Variants in PDE1C observed in about 807,000 individuals in gnomAD.
PDE1C encodes the protein phosphodiesterase 1C, also known as dual specificity calcium/calmodulin-dependent 3',5'-cyclic nucleotide phosphodiesterase 1C.
In PDE1C, 62 loss-of-function variants were observed where a neutral mutation model predicts 93.1. The observed-to-expected ratio is 0.67, with a 90% CI of 0.54 to 0.82. The LOEUF is 0.82. PDE1C is among the 40% of genes least tolerant of loss of function. The probability of loss-of-function intolerance (pLI) is 0.00; values close to 1 mark genes in which losing one functional copy is unlikely to be tolerated. For synonymous variants in PDE1C, 325 were observed against 310.1 expected (o/e 1.05, Z -0.50); for missense variants, 742 against 884.6 (o/e 0.84, Z 2.04).
intron 2 of PDE1C, among the ~76,000 whole-genome samples, chr7:31,992,760 CA>C (rs2128538973): frequency 6.6e-6 from 1 of 152,266 alleles, no homozygotes; most frequent in African/African-American, 2.4e-5. Flanking sequence ...TATTAATAAG[CA>C]TGACTCTTTT....
At chr7:32,354,903 T>C (rs1032048440) in intron 1 of PDE1C, among the ~76,000 whole-genome samples, 1 of 152,264 alleles carries the variant, frequency 6.6e-6, no homozygotes, top group African/African-American at 2.4e-5. Context: ...TTTAAGCTTT[T>C]TCTTTTTACA....
chr7:31,674,731 A>C, the PDE1C span, among the ~76,000 whole-genome samples: 1 of 152,198 alleles, frequency 6.6e-6, no homozygotes, highest in Non-Finnish European at 1.5e-5. Flanking sequence ...GGAAAAATAA[A>C]ATAAAATAAT....
intron 2 of PDE1C, among the ~76,000 whole-genome samples, chr7:32,208,726 T>C (rs115891419): frequency 0.011 from 1,667 of 152,172 alleles, 29 homozygotes; most frequent in African/African-American, 0.038. Context: ...CCCCCTTCTT[T>C]GGAATCCAGG....
chr7:32,237,484 T>C (rs1004142537), intron 1 of PDE1C, among the ~76,000 whole-genome samples: 2 of 152,054 alleles, frequency 1.3e-5, no homozygotes, highest in African/African-American at 2.4e-5. Flanking sequence ...AACTACTCCA[T>C]ACTCTTACTC....
At chr7:31,726,195 A>G in the PDE1C span, among the ~76,000 whole-genome samples, 1 of 152,066 alleles carries the variant, frequency 6.6e-6, no homozygotes, top group African/African-American at 2.4e-5. Context: ...TAATCTCCCA[A>G]GAAGTTAGGA....
intron 2 of PDE1C, among the ~76,000 whole-genome samples, chr7:32,046,557 A>G (rs967948421): frequency 1.2e-4 from 19 of 152,132 alleles, no homozygotes; most frequent in African/African-American, 4.3e-4. Flanking sequence ...AATTGTACAT[A>G]TCTTGTTATT....
At chr7:32,215,114 C>A (rs1019694057) in intron 1 of PDE1C, among the ~76,000 whole-genome samples, 1 of 152,044 alleles carries the variant, frequency 6.6e-6, no homozygotes, top group Non-Finnish European at 1.5e-5. Context: ...AACCGAGCAG[C>A]CCATGGCCTG....
intron 7 of PDE1C, among the ~76,000 whole-genome samples, chr7:31,859,108 T>C (rs1794365663): frequency 6.9e-6 from 1 of 145,702 alleles, no homozygotes; most frequent in Non-Finnish European, 1.5e-5. Context: ...TCATAATATA[T>C]GATGTATTGA....
the PDE1C span, among the ~76,000 whole-genome samples, chr7:31,676,488 A>G: frequency 2.0e-5 from 3 of 152,190 alleles, no homozygotes; most frequent in Non-Finnish European, 4.4e-5. Flanking sequence ...ACAAAATTGC[A>G]GAATTTCTTA....
chr7:32,287,583 C>A (rs1188243607), intron 1 of PDE1C, among the ~76,000 whole-genome samples: 5 of 152,242 alleles, frequency 3.3e-5, no homozygotes, highest in Admixed American at 6.5e-5. Context: ...TAGTGCCTAA[C>A]ACAATCGCTG....
chr7:31,619,869 C>G, the PDE1C span, among the ~76,000 whole-genome samples: 813 of 152,290 alleles, frequency 5.3e-3, 9 homozygotes, highest in African/African-American at 0.019. Context: ...AAAGGGGTGA[C>G]AGATGGCACC....
intron 1 of PDE1C, among the ~76,000 whole-genome samples, chr7:32,213,084 A>G (rs1477353696): frequency 6.6e-6 from 1 of 152,178 alleles, no homozygotes; most frequent in Non-Finnish European, 1.5e-5. Flanking sequence ...TTGGAACTCA[A>G]GTAGACTGAA....
At chr7:32,274,590 A>C (rs745310889) in intron 1 of PDE1C, among the ~76,000 whole-genome samples, 1 of 152,038 alleles carries the variant, frequency 6.6e-6, no homozygotes, top group Non-Finnish European at 1.5e-5. Flanking sequence ...GATGTGAAAA[A>C]TTTTAAATCA....
intron 7 of PDE1C, 44 bp from the exon 8 acceptor site, chr7:31,850,785 C>T: frequency 7.1e-7 from 1 of 1,409,212 alleles, no homozygotes; most frequent in Non-Finnish European, 1.0e-6. Flanking sequence ...GTTTCTTTCT[C>T]AAAGTCTTCA....
At chr7:31,728,246 G>A in the PDE1C span, among the ~76,000 whole-genome samples, 1 of 152,082 alleles carries the variant, frequency 6.6e-6, no homozygotes, top group African/African-American at 2.4e-5. Flanking sequence ...AGGTCCTGTA[G>A]GTACTAATCC....
chr7:32,416,756 T>C (rs1785283542), intron 1 of PDE1C, among the ~76,000 whole-genome samples: 2 of 152,008 alleles, frequency 1.3e-5, no homozygotes, highest in Admixed American at 1.3e-4. Flanking sequence ...TCTGCACACA[T>C]CCTTTGGAAA....
At chr7:31,663,137 T>A in the PDE1C span, among the ~76,000 whole-genome samples, 1 of 152,202 alleles carries the variant, frequency 6.6e-6, no homozygotes, top group African/African-American at 2.4e-5. Context: ...CTCTTCATAC[T>A]CTGATTCTCA....
chr7:31,880,880 T>C lies in PDE1C; in HGVS notation c.129-20A>G. The C allele has an allele frequency of 2.9e-6, 4 of 1,381,892 alleles. No homozygotes were observed. The highest frequency in any genetic ancestry group is 2.3e-5 in the East Asian group (1 of 43,748). 85.6% of individuals were successfully genotyped at this position (1,381,892 alleles called of 1,614,324 possible). A position where few individuals can be genotyped will look rare whatever the true frequency, so the allele number is the denominator to read the frequency against. On this transcript the variant is annotated intron_variant, in intron 2 of 17. Transcript: ENST00000396191. Reference sequence around the variant, plus strand: ...CGTAATCTAGAAAAATAAAAAGACATAATTTCATTAGAATAGAGGAAACAA... The same window carrying C: ...CGTAATCTAGAAAAATAAAAAGACACAATTTCATTAGAATAGAGGAAACAA...
At chr7:32,013,671 C>T (rs760313316) in intron 2 of PDE1C, among the ~76,000 whole-genome samples, 4 of 152,206 alleles carry the variant, frequency 2.6e-5, no homozygotes, top group Non-Finnish European at 4.4e-5. Flanking sequence ...CTAATGCTTG[C>T]TTGGACTGGT....
Sources: allele counts gnomAD v4.1 joint callset (sites outside exome capture counted in the v4.1 genomes callset), GRCh38; gene constraint gnomAD v4.1.1; transcripts MANE v1.5; gene names NCBI Gene and HGNC (gene_info 2026-07-23, HGNC 2026-07-21).